Variants in KIF6 observed in about 807,000 individuals in gnomAD.
The protein encoded by KIF6 is kinesin family member 6, also known as kinesin-like protein KIF6.
Under a neutral mutation model 112.7 loss-of-function variants are expected in KIF6, and 106 were observed. The ratio of observed to expected loss-of-function variants is 0.94; its 90% CI spans 0.80 to 1.11. KIF6 has a LOEUF of 1.11. KIF6 is among the 50% of genes least tolerant of loss of function. KIF6 has a pLI of 0.00. For synonymous variants in KIF6, 339 were observed against 339.9 expected (o/e 1.00, Z 0.03); for missense variants, 929 against 964.0 (o/e 0.96, Z 0.48).
At chr6:39,399,211 C>A (rs1440141093) in intron 15 of KIF6, among the ~76,000 whole-genome samples, 1 of 152,176 alleles carries the variant, frequency 6.6e-6, no homozygotes, top group Non-Finnish European at 1.5e-5. Context: ...TTCTGGAGAA[C>A]CCTGACTAAT....
chr6:39,681,571 A>G (rs2113773637), intron 3 of KIF6, among the ~76,000 whole-genome samples: 1 of 152,304 alleles, frequency 6.6e-6, no homozygotes, highest in South Asian at 2.1e-4. Flanking sequence ...TCAATACTCA[A>G]ATCCTTCAGC....
chr6:39,355,604 C>T (rs1180893670), intron 19 of KIF6, among the ~76,000 whole-genome samples: 1 of 151,582 alleles, frequency 6.6e-6, no homozygotes, highest in Non-Finnish European at 1.5e-5. Flanking sequence ...GCTGAGATTA[C>T]AGGCATGCAC....
chr6:39,612,378 A>ACAC (rs377400031), intron 6 of KIF6, among the ~76,000 whole-genome samples: 1,772 of 152,004 alleles, frequency 0.012, 33 homozygotes, highest in African/African-American at 0.037. Context: ...AACTGTTCCC[A>ACAC]CACCACCACC....
intron 3 of KIF6, among the ~76,000 whole-genome samples, chr6:39,659,330 C>T (rs1359873959): frequency 6.6e-6 from 1 of 152,120 alleles, no homozygotes; most frequent in Non-Finnish European, 1.5e-5. Context: ...TCTCATTAAT[C>T]TGATTTTCTT....
intron 13 of KIF6, among the ~76,000 whole-genome samples, chr6:39,468,135 G>A (rs1434078526): frequency 2.0e-5 from 3 of 151,560 alleles, no homozygotes; most frequent in African/African-American, 7.3e-5. Context: ...TAGTGAACCT[G>A]AAGATAGATC....
intron 13 of KIF6, among the ~76,000 whole-genome samples, chr6:39,497,966 T>C (rs896140049): frequency 6.6e-6 from 1 of 152,210 alleles, no homozygotes; most frequent in Non-Finnish European, 1.5e-5. Context: ...ACTAGGAATC[T>C]AGGATGTCTT....
chr6:39,370,412 A>G (rs1246037882), intron 16 of KIF6, among the ~76,000 whole-genome samples: 1 of 152,158 alleles, frequency 6.6e-6, no homozygotes, highest in Non-Finnish European at 1.5e-5. Flanking sequence ...AGGAGTTTTA[A>G]AAATTGAGTT....
intron 5 of KIF6, among the ~76,000 whole-genome samples, chr6:39,630,289 C>T (rs1784290743): frequency 1.3e-5 from 2 of 152,038 alleles, no homozygotes; most frequent in Admixed American, 6.6e-5. Flanking sequence ...AAAGAACTGA[C>T]ATCTTAACAA....
rs191628888 is a variant in KIF6, at chr6:39,512,831, T to C, written c.1645+27172A>G. ...CAAATTGACTGATTATGAGGATCTA[T>C]ATGAATTCGAATGCTCCCTTTCTGA... On this transcript the variant is annotated intron_variant, in intron 13 of 22. Transcript: ENST00000287152. Among the ~76,000 whole-genome samples, 397 of 152,266 alleles carry C rather than the reference T, an allele frequency of 2.6e-3. 2 individuals carry two copies. Among genetic ancestry groups the C allele is most frequent in the Middle Eastern group, 0.02 (6 of 294 alleles).
At chr6:39,568,173 A>G (rs1780419777) in intron 10 of KIF6, among the ~76,000 whole-genome samples, 1 of 152,226 alleles carries the variant, frequency 6.6e-6, no homozygotes, top group South Asian at 2.1e-4. Flanking sequence ...TTGACAAAGG[A>G]CAATGAAACA....
intron 13 of KIF6, among the ~76,000 whole-genome samples, chr6:39,529,221 GA>G (rs1373932545): frequency 6.6e-6 from 1 of 152,078 alleles, no homozygotes; most frequent in Non-Finnish European, 1.5e-5. Flanking sequence ...AAAGATGGGG[GA>G]AAAAACTACA....
At chr6:39,504,758 A>G (rs947777502) in intron 13 of KIF6, among the ~76,000 whole-genome samples, 1 of 152,218 alleles carries the variant, frequency 6.6e-6, no homozygotes, top group African/African-American at 2.4e-5. Flanking sequence ...AATTGCCACA[A>G]AAAGAATAAA....
At chr6:39,346,169 C>CTCTCTCTCTCTCTCT (rs1763789974) in intron 20 of KIF6, among the ~76,000 whole-genome samples, 3 of 142,944 alleles carry the variant, frequency 2.1e-5, no homozygotes, top group African/African-American at 5.2e-5. Context: ...CTCTTTCTCT[C>CTCTCTCTCTCTCTCT]CTATGTGAGC....
At chr6:39,560,559 G>T (rs187324924) in intron 10 of KIF6, among the ~76,000 whole-genome samples, 12 of 152,226 alleles carry the variant, frequency 7.9e-5, no homozygotes, top group Non-Finnish European at 1.5e-5. Context: ...ATCTTGTCTT[G>T]ATTCACGAGT....
chr6:39,496,778 G>A (rs1775808353), intron 13 of KIF6, among the ~76,000 whole-genome samples: 1 of 152,160 alleles, frequency 6.6e-6, no homozygotes, highest in Non-Finnish European at 1.5e-5. Flanking sequence ...ACTAAAATGA[G>A]GCAAATCCTG....
At position 39,677,900 on chromosome 6, in the gene KIF6, T is replaced by TTCC. The variant is rs1787262104; in HGVS notation, c.251+36791_251+36792insGGA. 2.1e-5 allele frequency among the ~76,000 whole-genome samples: 3 copies of TTCC among 141,524 alleles called. No individual in the cohort carries two copies. The South Asian group carries it at 7.0e-4, about 33-fold the overall frequency. The allele number at this position is 141,524 out of a possible 152,430, so 92.8% of individuals were successfully genotyped here. ...TGGCTGCATAGTATTCCATGGTGTA[T>TTCC]ATGTGCCACATTTTCTTAATCCAGT... On this transcript the variant is annotated intron_variant, in intron 3 of 22. Transcript: ENST00000287152.
intron 16 of KIF6, among the ~76,000 whole-genome samples, chr6:39,373,251 G>A (rs975056508): frequency 2.6e-5 from 4 of 152,176 alleles, no homozygotes; most frequent in African/African-American, 4.8e-5. Context: ...TGGGTTCAGC[G>A]CTTAAAGGAA....
At chr6:39,532,476 A>G (rs188182791) in intron 13 of KIF6, among the ~76,000 whole-genome samples, 8 of 152,298 alleles carry the variant, frequency 5.3e-5, no homozygotes, top group Non-Finnish European at 1.0e-4. Context: ...CAACCAGCAA[A>G]GATGTATAGA....
chr6:39,566,905 G>A (rs1292380155), intron 10 of KIF6, among the ~76,000 whole-genome samples: 1 of 152,114 alleles, frequency 6.6e-6, no homozygotes, highest in African/African-American at 2.4e-5. Flanking sequence ...ATTCTTTTAA[G>A]AATGACCTTT....
Sources: allele counts gnomAD v4.1 joint callset (sites outside exome capture counted in the v4.1 genomes callset), GRCh38; gene constraint gnomAD v4.1.1; transcripts MANE v1.5; gene names NCBI Gene and HGNC (gene_info 2026-07-23, HGNC 2026-07-21).